MARCHF1: variants seen among roughly 807,000 people sequenced by gnomAD.
MARCHF1 encodes the protein membrane associated ring-CH-type finger 1.
Under a neutral mutation model 54.2 loss-of-function variants are expected in MARCHF1, and 40 were observed. The observed-to-expected ratio is 0.74, with a 90% confidence interval of 0.57 to 0.96. The LOEUF (loss-of-function observed/expected upper bound fraction) is 0.96. MARCHF1 is among the 40% of genes least tolerant of loss of function. MARCHF1 has a pLI of 0.00. For missense variants in MARCHF1, 586 were observed against 656.5 expected, an observed-to-expected ratio of 0.89 and a Z score of 1.17; for synonymous variants, 236 against 236.3, an observed-to-expected ratio of 1.00 and a Z score of 0.01.
At chr4:163,728,780 T>A (rs914288182) in intron 4 of MARCHF1, among the ~76,000 whole-genome samples, 7 of 152,210 alleles carry the variant, frequency 4.6e-5, no homozygotes, top group African/African-American at 1.7e-4. Context: ...CCAATCAACA[T>A]AATTTTGTTT....
In MARCHF1 at chr4:164,340,410, T is replaced by TAC. The variant is rs1418106256; in HGVS notation, c.-323+43459_-323+43460insGT. Among the ~76,000 whole-genome samples the TAC allele has an allele frequency of 8.4e-4, 88 of 104,454 alleles. 5 individuals are homozygous for TAC. In the East Asian group the frequency reaches 9.7e-3, roughly 11 times the overall value. The allele number at this position is 104,454 out of a possible 152,430, so 68.5% of individuals were successfully genotyped here. A position where few individuals can be genotyped will look rare whatever the true frequency, so the allele number is the denominator to read the frequency against. The stretch of plus-strand genomic sequence containing the variant: ...ACATGCCACCAGGCCTTGATTTATA[T>TAC]ATAGATATATATATATATATATATA... On this transcript the variant is annotated intron_variant, in intron 1 of 9. Transcript: ENST00000514618.
At chr4:163,681,314 A>T (rs149791914) in intron 5 of MARCHF1, among the ~76,000 whole-genome samples, 1 of 152,198 alleles carries the variant, frequency 6.6e-6, no homozygotes, top group South Asian at 2.1e-4. Context: ...GTTTCCATCT[A>T]TCTCAAGCCA....
chr4:163,938,191 T>C (rs562904483), intron 3 of MARCHF1, among the ~76,000 whole-genome samples: 1 of 152,284 alleles, frequency 6.6e-6, no homozygotes, highest in East Asian at 1.9e-4. Flanking sequence ...GACATAAGGA[T>C]CTTGGTCTTA....
intron 1 of MARCHF1, among the ~76,000 whole-genome samples, chr4:164,117,794 G>A (rs188930988): frequency 3.9e-4 from 60 of 152,080 alleles, no homozygotes; most frequent in African/African-American, 1.3e-3. Context: ...CAGCTACTCA[G>A]GAGGCTGAGG....
intron 4 of MARCHF1, among the ~76,000 whole-genome samples, chr4:163,796,723 T>C (rs934653586): frequency 6.6e-6 from 1 of 152,144 alleles, no homozygotes; most frequent in Non-Finnish European, 1.5e-5. Context: ...TCCCCTATTC[T>C]GATGTTTTTT....
rs547433993 is a variant in MARCHF1, at chr4:163,574,695, C to A, written c.1191+11054G>T. Among the ~76,000 whole-genome samples, 24 of 152,090 alleles carry A rather than the reference C, an allele frequency of 1.6e-4. No individual in the cohort carries two copies. In the East Asian group the frequency reaches 3.7e-3, roughly 23 times the overall value. On this transcript the variant is annotated intron_variant, in intron 8 of 9. Transcript: ENST00000514618. ...CTATATCTCTGTTTTGGTACCAGTA[C>A]CATGCTGTTTTGGTTAATGTAGCCT...
intron 5 of MARCHF1, among the ~76,000 whole-genome samples, chr4:163,676,341 G>C (rs1743919481): frequency 6.9e-6 from 1 of 144,890 alleles, no homozygotes; most frequent in South Asian, 2.2e-4. Flanking sequence ...TGGGCAACAA[G>C]AGCAAAACTC....
At chr4:163,695,404 T>A (rs1379427850) in intron 5 of MARCHF1, among the ~76,000 whole-genome samples, 1 of 152,206 alleles carries the variant, frequency 6.6e-6, no homozygotes, top group Non-Finnish European at 1.5e-5. Flanking sequence ...TAAATTGTAC[T>A]GAAATTGTAC....
chr4:163,793,499 G>A (rs1561080434), intron 4 of MARCHF1, among the ~76,000 whole-genome samples: 1 of 152,068 alleles, frequency 6.6e-6, no homozygotes, highest in South Asian at 2.1e-4. Flanking sequence ...TTACATTTTC[G>A]TGATAGATTG....
intron 1 of MARCHF1, among the ~76,000 whole-genome samples, chr4:164,136,724 TC>T (rs965210501): frequency 1.3e-5 from 2 of 152,102 alleles, no homozygotes; most frequent in Non-Finnish European, 2.9e-5. Context: ...AAGGCTGGCT[TC>T]CCATGAACAC....
intron 1 of MARCHF1, among the ~76,000 whole-genome samples, chr4:164,299,443 G>A (rs28541921): frequency 0.022 from 3,386 of 152,238 alleles, 113 homozygotes; most frequent in African/African-American, 0.075. Context: ...GAAATTGAGA[G>A]ATTGCCTTTA....
chr4:163,936,675 G>A (rs1449792823), intron 3 of MARCHF1, among the ~76,000 whole-genome samples: 1 of 152,172 alleles, frequency 6.6e-6, no homozygotes. Context: ...GCACATCAAG[G>A]CTGGTTCTGG....
At position 163,866,899 on chromosome 4, in the gene MARCHF1, C is replaced by A. The variant is rs1021231097; in HGVS notation, c.-38-12730G>T. ...GTGAAACTACTACAGACCTTGAGGA[C>A]ATGTTACTCTCCCAACAATGAGGTA... On this transcript the variant is annotated intron_variant, in intron 3 of 9. Coordinates refer to ENST00000514618, the MANE Select transcript of MARCHF1 (RefSeq NM_001394959.1). Among the ~76,000 whole-genome samples the A allele has an allele frequency of 2.0e-5, 3 of 151,874 alleles. No individual in the cohort carries two copies. In the East Asian group the frequency reaches 5.8e-4, roughly 29 times the overall value.
At chr4:163,712,023 A>G (rs1745122358) in intron 4 of MARCHF1, among the ~76,000 whole-genome samples, 1 of 152,198 alleles carries the variant, frequency 6.6e-6, no homozygotes, top group African/African-American at 2.4e-5. Flanking sequence ...TTAAAAACCT[A>G]TCAAGTAGGT....
At chr4:164,008,363 C>G (rs780299096) in intron 2 of MARCHF1, among the ~76,000 whole-genome samples, 2 of 151,956 alleles carry the variant, frequency 1.3e-5, no homozygotes, top group Non-Finnish European at 1.5e-5. Context: ...AAGGGAGAAA[C>G]AGAATGCAAA....
chr4:163,686,716 A>G (rs981734029), intron 5 of MARCHF1, among the ~76,000 whole-genome samples: 1 of 152,258 alleles, frequency 6.6e-6, no homozygotes, highest in East Asian at 1.9e-4. Context: ...CATTAAAAAT[A>G]CAAGTCAAAG....
intron 5 of MARCHF1, among the ~76,000 whole-genome samples, chr4:163,670,875 C>CT (rs1040319468): frequency 6.6e-6 from 1 of 152,078 alleles, no homozygotes; most frequent in African/African-American, 2.4e-5. Flanking sequence ...CAAGTATTTC[C>CT]TTTTTAGCTT....
At chr4:164,019,311 A>G (rs1200520281) in intron 2 of MARCHF1, among the ~76,000 whole-genome samples, 2 of 152,052 alleles carry the variant, frequency 1.3e-5, no homozygotes, top group Admixed American at 6.6e-5. Flanking sequence ...ATAATTATTC[A>G]CTAAGTGTCT....
chr4:164,169,883 A>C (rs1259959214), intron 1 of MARCHF1, among the ~76,000 whole-genome samples: 1 of 152,182 alleles, frequency 6.6e-6, no homozygotes, highest in South Asian at 2.1e-4. Flanking sequence ...CACAACCAAG[A>C]GATTTAAATC....
Sources: gnomAD v4.1 joint callset for allele counts (sites outside exome capture counted in the v4.1 genomes callset) on GRCh38, gnomAD v4.1.1 for gene constraint, MANE v1.5 for transcripts, NCBI Gene and HGNC (gene_info 2026-07-23, HGNC 2026-07-21) for gene names.